XRCC4: variants seen among roughly 807,000 people sequenced by gnomAD.
The protein encoded by XRCC4 is DNA repair protein XRCC4.
Under a neutral mutation model 39.1 loss-of-function variants are expected in XRCC4, and 28 were observed. The observed-to-expected ratio is 0.72, with a 90% CI of 0.53 to 0.98. The LOEUF is 0.98. Among genes scored for constraint, XRCC4 ranks in the 50% least tolerant of loss-of-function variants. XRCC4 has a pLI of 0.00. For missense variants in XRCC4, 350 were observed against 376.4 expected, an observed-to-expected ratio of 0.93 and a Z score of 0.58; for synonymous variants, 123 against 126.4, an observed-to-expected ratio of 0.97 and a Z score of 0.18.
chr5:83,190,667 A>C (rs1007555171), intron 3 of XRCC4, among the ~76,000 whole-genome samples: 5 of 152,162 alleles, frequency 3.3e-5, no homozygotes, highest in Admixed American at 1.3e-4. Flanking sequence ...TCTCCTCAGA[A>C]ACACTTAGAA....
At chr5:83,232,609 A>T (rs1752538412) in intron 6 of XRCC4, among the ~76,000 whole-genome samples, 1 of 152,110 alleles carries the variant, frequency 6.6e-6, no homozygotes, top group African/African-American at 2.4e-5. Flanking sequence ...GTGATGAAGA[A>T]CTAAATACTG....
At chr5:83,281,974 A>AGTGGC (rs1754557620) in intron 7 of XRCC4, among the ~76,000 whole-genome samples, 1 of 152,234 alleles carries the variant, frequency 6.6e-6, no homozygotes, top group Non-Finnish European at 1.5e-5. Context: ...TTAGTCACCC[A>AGTGGC]GTGGCATTTA....
At chr5:83,345,343 C>T (rs567081845) in intron 7 of XRCC4, among the ~76,000 whole-genome samples, 13 of 152,102 alleles carry the variant, frequency 8.5e-5, no homozygotes, top group African/African-American at 2.9e-4. Context: ...AAAGTTTTGC[C>T]TTTCTCACTT....
chr5:83,323,785 A>G (rs1305883031), intron 7 of XRCC4, among the ~76,000 whole-genome samples: 3 of 152,122 alleles, frequency 2.0e-5, no homozygotes, highest in Admixed American at 2.0e-4. Context: ...GTTTTGAAAT[A>G]TGTTTTCAAG....
chr5:83,185,118 C>A (rs1022895432), intron 3 of XRCC4, among the ~76,000 whole-genome samples: 3 of 151,938 alleles, frequency 2.0e-5, no homozygotes, highest in Admixed American at 1.3e-4. Context: ...TAGGCACTTA[C>A]ATTTATATTT....
At chr5:83,354,229 A>C (rs905508341), downstream of XRCC4, among the ~76,000 whole-genome samples, 4 of 152,188 alleles carry the variant, frequency 2.6e-5, no homozygotes, top group Non-Finnish European at 5.9e-5. Context: ...TTGCAATAGC[A>C]TATGCTCTTT....
chr5:83,233,610 A>G (rs1482787581), intron 6 of XRCC4, among the ~76,000 whole-genome samples: 1 of 151,938 alleles, frequency 6.6e-6, no homozygotes, highest in Non-Finnish European at 1.5e-5. Context: ...ATTATAGGCC[A>G]GGCACGGTGG....
chr5:83,167,490 G>C (rs1440916284), intron 3 of XRCC4, among the ~76,000 whole-genome samples: 1 of 152,160 alleles, frequency 6.6e-6, no homozygotes, highest in African/African-American at 2.4e-5. Context: ...GGTCAGAAAG[G>C]AAAAGATAAT....
chr5:83,339,305 T>G (rs1229797954), intron 7 of XRCC4, among the ~76,000 whole-genome samples: 2 of 152,178 alleles, frequency 1.3e-5, no homozygotes, highest in East Asian at 1.9e-4. Flanking sequence ...ATAGTCTTGC[T>G]TTATAGACCC....
intron 3 of XRCC4, among the ~76,000 whole-genome samples, chr5:83,180,569 G>T (rs1440621306): frequency 6.6e-6 from 1 of 152,048 alleles, no homozygotes; most frequent in African/African-American, 2.4e-5. Context: ...ATGTGACTTT[G>T]ACTTTATATT....
chr5:83,116,350 C>T (rs1205604045), intron 3 of XRCC4, among the ~76,000 whole-genome samples: 2 of 152,050 alleles, frequency 1.3e-5, no homozygotes, highest in Admixed American at 6.6e-5. Context: ...CAGATGCATA[C>T]CTCTGGGAGT....
intron 6 of XRCC4, among the ~76,000 whole-genome samples, chr5:83,246,760 C>G (rs1348542977): frequency 6.6e-6 from 1 of 152,112 alleles, no homozygotes; most frequent in Admixed American, 6.6e-5. Context: ...ACAAAATTAT[C>G]AATCCTTTAA....
intron 3 of XRCC4, among the ~76,000 whole-genome samples, chr5:83,138,961 C>A: frequency 6.6e-6 from 1 of 152,048 alleles, no homozygotes; most frequent in Non-Finnish European, 1.5e-5. Context: ...AAGAGAATTT[C>A]TGTATACCTT....
chr5:83,259,116 T>C (rs1010890709), intron 7 of XRCC4: 1 of 168,516 alleles, frequency 5.9e-6, no homozygotes, highest in Admixed American at 6.2e-5. Flanking sequence ...AGTTTTGGCA[T>C]TGTGTACTTT....
At chr5:83,129,883 T>C (rs1747475912) in intron 3 of XRCC4, among the ~76,000 whole-genome samples, 3 of 152,174 alleles carry the variant, frequency 2.0e-5, no homozygotes, top group Admixed American at 2.0e-4. Flanking sequence ...ATGATGGGGT[T>C]TTCTAAATAT....
chr5:83,203,777 G>A, intron 5 of XRCC4, 70 bp downstream of exon 5: 1 of 1,563,190 alleles, frequency 6.4e-7, no homozygotes, highest in Non-Finnish European at 8.7e-7. Context: ...CAAAGTTAAT[G>A]AACATTAGAT....
chr5:83,185,089 A>G (rs1432899868), intron 3 of XRCC4, among the ~76,000 whole-genome samples: 1 of 152,122 alleles, frequency 6.6e-6, no homozygotes, highest in Non-Finnish European at 1.5e-5. Flanking sequence ...GGATAAAAAA[A>G]GAATAATAAA....
intron 3 of XRCC4, among the ~76,000 whole-genome samples, chr5:83,133,981 G>A (rs565802882): frequency 7.9e-5 from 12 of 152,306 alleles, no homozygotes; most frequent in Middle Eastern, 3.4e-3. Context: ...GGGGCTGTGC[G>A]TGGTGCTCGC....
At chr5:83,172,394 A>G (rs1349834521) in intron 3 of XRCC4, among the ~76,000 whole-genome samples, 1 of 152,154 alleles carries the variant, frequency 6.6e-6, no homozygotes, top group Non-Finnish European at 1.5e-5. Context: ...TTTGAGAATA[A>G]TAGGTTTGGT....
Sources: allele counts gnomAD v4.1 joint callset (sites outside exome capture counted in the v4.1 genomes callset), GRCh38; gene constraint gnomAD v4.1.1; transcripts MANE v1.5; gene names NCBI Gene and HGNC (gene_info 2026-07-23, HGNC 2026-07-21).